Variants in TBC1D16 observed in about 807,000 individuals in gnomAD.
TBC1D16 encodes the protein TBC1 domain family member 16, also known as CTD-2529O21.1.
In TBC1D16, 58 loss-of-function variants were observed where a neutral mutation model predicts 74.7. That is an observed-to-expected ratio of 0.78 (90% CI 0.63 to 0.97). The LOEUF is 0.97. Among genes scored for constraint, TBC1D16 ranks in the 50% least tolerant of loss-of-function variants. TBC1D16 has a pLI of 0.00. For missense variants in TBC1D16, 1,014 were observed against 1,079.5 expected (o/e 0.94, Z 0.85); for synonymous variants, 493 against 474.7 (o/e 1.04, Z -0.50).
rs1396067895 is a variant in TBC1D16 at position 79,971,559 on chromosome 17, G to T, written c.780-18741C>A. On this transcript the variant is annotated intron_variant, in intron 3 of 11. Transcript: ENST00000310924. This position sits in a 1 kb window ranked among gnomAD's most constrained non-coding sequence, Gnocchi z 4.6. ...ACACTTGAAGGTATCTTCCCATGTT[G>T]CTGGTAGACACCATTTTGGAATAAT... 6.6e-6 allele frequency among the ~76,000 whole-genome samples: 1 copy of T among 152,142 alleles called. No homozygotes were observed. The highest frequency in any genetic ancestry group is 2.4e-5 in the African/African-American group (1 of 41,428).
chr17:80,027,599 A>G (rs1263579592), intron 1 of TBC1D16, among the ~76,000 whole-genome samples: 1 of 149,236 alleles, frequency 6.7e-6, no homozygotes, highest in African/African-American at 2.4e-5. Context: ...CCCTGTCTCA[A>G]AAAAAAAAAG....
chr17:79,941,771 G>A lies in TBC1D16; in HGVS notation c.2055+289C>T, dbSNP rs918854740. 2.0e-5 allele frequency among the ~76,000 whole-genome samples: 3 copies of A among 152,190 alleles called. No individual in the cohort carries two copies. Among genetic ancestry groups the A allele is most frequent in the African/African-American group, 7.2e-5 (3 of 41,440 alleles). ...GGAACCTGTCCTGTCCGTCAGCCCC[G>A]GTGAATTCGTTCCCTCCTCAGCCAG... On this transcript the variant is annotated intron_variant, in intron 11 of 11. Coordinates refer to ENST00000310924, the MANE Select transcript of TBC1D16 (RefSeq NM_019020.4). This position sits in a 1 kb window ranked among gnomAD's most constrained non-coding sequence, Gnocchi z 4.3.
At chr17:80,021,981 T>A in intron 1 of TBC1D16, among the ~76,000 whole-genome samples, 1 of 90,124 alleles carries the variant, frequency 1.1e-5, no homozygotes, top group Admixed American at 1.3e-4. Context: ...TTTATTTATA[T>A]TACCTATTTT....
rs754379831 is a variant in TBC1D16, at chr17:79,941,122, CG to C, written c.2056-16del. 4 of 1,550,774 alleles carry C rather than the reference CG, an allele frequency of 2.6e-6. No homozygotes were observed. The highest frequency in any genetic ancestry group is 8.8e-7 in the Non-Finnish European group (1 of 1,141,514). On this transcript the variant is annotated splice_polypyrimidine_tract_variant and intron_variant, in intron 11 of 11. Transcript: ENST00000310924. This position sits in a 1 kb window ranked among gnomAD's most constrained non-coding sequence, Gnocchi z 4.3. ...AAACTCCTCGCCTGCAGACAGAGGA[CG>C]GGGGGTGAGGAGGGGCCGGGGGACA...
At chr17:80,024,605 A>ACACACACACCACACACCATAGG (rs2036469878) in intron 1 of TBC1D16, among the ~76,000 whole-genome samples, 38 of 90,074 alleles carry the variant, frequency 4.2e-4, no homozygotes, top group Admixed American at 1.1e-3. Flanking sequence ...CACACCATAG[A>ACACACACACCACACACCATAGG]CACACACACC....
chr17:80,026,148 C>T (rs1036449551), intron 1 of TBC1D16: 4 of 150,274 alleles, frequency 2.7e-5, no homozygotes, highest in African/African-American at 1.0e-4. Context: ...GGCGGCCGGG[C>T]ATGGTGGCTC....
chr17:79,962,945 C>T (rs906778718), intron 3 of TBC1D16, among the ~76,000 whole-genome samples: 3 of 151,810 alleles, frequency 2.0e-5, no homozygotes, highest in African/African-American at 7.3e-5. Flanking sequence ...GCCTGTAATC[C>T]CAGCTGAGAC....
chr17:79,960,434 T>C (rs2033540670), intron 3 of TBC1D16, among the ~76,000 whole-genome samples: 1 of 152,034 alleles, frequency 6.6e-6, no homozygotes, highest in South Asian at 2.1e-4. Flanking sequence ...TGTGATCCAC[T>C]ACACATCTAT....
In TBC1D16 at chr17:79,998,474, T is replaced by C. The variant is rs2035360328; in HGVS notation, c.779+11686A>G. ...CCCCAAGTAGCTGGGACTACATGTGTGAGCCACCATGCCCGGCTAATTTTT... is the reference window on the plus strand; with the variant it reads ...CCCCAAGTAGCTGGGACTACATGTGCGAGCCACCATGCCCGGCTAATTTTT... On this transcript the variant is annotated intron_variant, in intron 3 of 11. Coordinates refer to ENST00000310924, the MANE Select transcript of TBC1D16 (RefSeq NM_019020.4). Among the ~76,000 whole-genome samples, 5 of 151,512 alleles carry C rather than the reference T, an allele frequency of 3.3e-5. No homozygotes were observed. The South Asian group carries it at 1.0e-3, about 32-fold the overall frequency.
chr17:80,028,090 G>C (rs536794806), intron 1 of TBC1D16, among the ~76,000 whole-genome samples: 1 of 151,876 alleles, frequency 6.6e-6, no homozygotes, highest in Admixed American at 6.6e-5. Flanking sequence ...CTCCCAGAAT[G>C]CCATCTTCGT....
intron 3 of TBC1D16, chr17:79,992,291 G>C (rs1429969190): frequency 1.3e-5 from 2 of 152,364 alleles, no homozygotes; most frequent in African/African-American, 2.4e-5. Context: ...TCAGGAAACT[G>C]TGTGGACGAG....
intron 1 of TBC1D16, among the ~76,000 whole-genome samples, chr17:80,018,448 ATT>A (rs1167507062): frequency 6.7e-6 from 1 of 148,730 alleles, no homozygotes; most frequent in African/African-American, 2.6e-5. Context: ...TGCCCGGCTA[ATT>A]TTTTTGTATT....
rs1468840663 is a variant in TBC1D16 at position 79,944,579 on chromosome 17, G to C, written c.1908+329C>G. ...TGGAGCGGTGCTGGCTCACGCTCGT[G>C]GGCACCAGCGTCCTGGGCTGCTGTG... On this transcript the variant is annotated intron_variant, in intron 10 of 11. Coordinates refer to ENST00000310924, the MANE Select transcript of TBC1D16 (RefSeq NM_019020.4). This position sits in a 1 kb window ranked among gnomAD's most constrained non-coding sequence, Gnocchi z 7.7. Among the ~76,000 whole-genome samples, 1 of 152,190 alleles carries C rather than the reference G, an allele frequency of 6.6e-6. No individual in the cohort carries two copies. Among genetic ancestry groups the C allele is most frequent in the Non-Finnish European group, 1.5e-5 (1 of 68,036 alleles).
chr17:79,951,813 G>A (rs961566416), intron 4 of TBC1D16, among the ~76,000 whole-genome samples: 5 of 152,130 alleles, frequency 3.3e-5, no homozygotes, highest in African/African-American at 1.2e-4. Context: ...CCTTCCTGGG[G>A]GGCCCTGGAG....
At chr17:79,970,702 G>A (rs1012288710) in intron 3 of TBC1D16, among the ~76,000 whole-genome samples, 11 of 152,148 alleles carry the variant, frequency 7.2e-5, no homozygotes, top group African/African-American at 1.7e-4. Context: ...GGCTGGGCAC[G>A]GCCACTCTAG....
intron 3 of TBC1D16, among the ~76,000 whole-genome samples, chr17:79,972,944 T>C (rs2034174537): frequency 1.3e-5 from 2 of 152,040 alleles, no homozygotes; most frequent in African/African-American, 2.4e-5. Context: ...TAGCCAGGCA[T>C]GGTGGTGCCT....
At position 79,950,422 on chromosome 17, in the gene TBC1D16, T is replaced by G. The variant is rs2032955649; in HGVS notation, c.1246A>C (p.Lys416Gln). The G allele has an allele frequency of 6.2e-7, 1 of 1,610,548 alleles. No homozygotes were observed. ...GACCCGGACCTCACCTTCCGCAGCT[T>G]GTACTCCTCCTCCACCTGGCCCAGC... is the stretch of plus-strand genomic sequence containing the variant. The part of the protein sequence containing the change: ...NELGQVEEEY[K>Q]LRKAIFFGGI... The change falls in exon 6 of 12, where the codon AAG becomes CAG. Residue 416 changes from lysine to glutamine, a missense_variant. Coordinates refer to ENST00000310924, the MANE Select transcript of TBC1D16 (RefSeq NM_019020.4). This position sits in a 1 kb window ranked among gnomAD's most constrained non-coding sequence, Gnocchi z 4.6.
intron 5 of TBC1D16, 32 bp downstream of exon 5, chr17:79,951,418 G>T (rs574518300): frequency 6.2e-7 from 1 of 1,607,104 alleles, no homozygotes; most frequent in Non-Finnish European, 8.5e-7. Flanking sequence ...AGTGTCAACC[G>T]CTGGGCATTC....
chr17:79,982,574 G>A lies in TBC1D16; in HGVS notation c.779+27586C>T, dbSNP rs113515804. The stretch of plus-strand genomic sequence containing the variant: ...CTCTTTAAACATTCCCTGAGGCTTG[G>A]CGTGGTGGTGGCTCAGGCCTGTAAT... On this transcript the variant is annotated intron_variant, in intron 3 of 11. Coordinates refer to ENST00000310924, the MANE Select transcript of TBC1D16 (RefSeq NM_019020.4). Among the ~76,000 whole-genome samples, 47 of 151,896 alleles carry A rather than the reference G, an allele frequency of 3.1e-4. 1 individual carries two copies. The highest frequency in any genetic ancestry group is 6.8e-3 in the Middle Eastern group (2 of 294).
Sources: gnomAD v4.1 joint callset for allele counts (sites outside exome capture counted in the v4.1 genomes callset) on GRCh38, gnomAD v4.1.1 for gene constraint, Gnocchi (gnomAD v3.1) non-coding constraint, MANE v1.5 for transcripts, NCBI Gene and HGNC (gene_info 2026-07-23, HGNC 2026-07-21) for gene names.